Variants in EFCAB5 observed in about 807,000 individuals in gnomAD.
EFCAB5 encodes EF-hand calcium-binding domain-containing protein 5.
Under a neutral mutation model 167.9 loss-of-function variants are expected in EFCAB5, and 131 were observed. The ratio of observed to expected loss-of-function variants is 0.78; its 90% CI spans 0.68 to 0.90. The LOEUF is 0.90. EFCAB5 is among the 40% of genes least tolerant of loss of function. The pLI is 0.00. For synonymous variants in EFCAB5, 574 were observed against 602.8 expected, an observed-to-expected ratio of 0.95 and a Z score of 0.70; for missense variants, 1,663 against 1,745.2, an observed-to-expected ratio of 0.95 and a Z score of 0.84.
rs1016313874 is a variant in EFCAB5, at chr17:29,981,733, A to T, written c.768-11432A>T. Among the ~76,000 whole-genome samples, 6 of 152,210 alleles carry T rather than the reference A, an allele frequency of 3.9e-5. No individual in the cohort carries two copies. The East Asian group carries it at 1.2e-3, about 29-fold the overall frequency. On this transcript the variant is annotated intron_variant, in intron 4 of 22. Transcript: ENST00000394835. Reference sequence around the variant, plus strand: ...TATTTTTGCTTTTTGGTTTTTAGATACATAAGATTATTATGAGATATGTCT... The same window carrying T: ...TATTTTTGCTTTTTGGTTTTTAGATTCATAAGATTATTATGAGATATGTCT...
intron 22 of EFCAB5, among the ~76,000 whole-genome samples, chr17:30,093,694 C>G (rs568226832): frequency 6.3e-4 from 96 of 152,298 alleles, no homozygotes; most frequent in African/African-American, 2.2e-3. Context: ...ATAGTGCCCT[C>G]TGGTGGAAGA....
chr17:30,062,477 C>T (rs1179096782), intron 14 of EFCAB5, among the ~76,000 whole-genome samples: 1 of 152,228 alleles, frequency 6.6e-6, no homozygotes, highest in Middle Eastern at 3.2e-3. Context: ...CTACTGGGGT[C>T]CCCTGCAGTC....
intron 4 of EFCAB5, among the ~76,000 whole-genome samples, chr17:29,979,324 G>C (rs1173496014): frequency 1.3e-5 from 2 of 151,862 alleles, no homozygotes; most frequent in East Asian, 3.9e-4. Context: ...GCCTGAGTGA[G>C]AGAGTGAGAT....
chr17:29,943,700 G>C, intron 3 of EFCAB5, 51 bp downstream of exon 3: 1 of 1,493,022 alleles, frequency 6.7e-7, no homozygotes, highest in Non-Finnish European at 9.1e-7. Context: ...CTGGCTGGGC[G>C]TGGTGGCTCA....
chr17:30,049,458 C>T (rs576604802), intron 8 of EFCAB5, among the ~76,000 whole-genome samples: 3 of 151,112 alleles, frequency 2.0e-5, no homozygotes, highest in South Asian at 2.1e-4. Flanking sequence ...CCAGCCTGGG[C>T]GACAGAGCGA....
intron 6 of EFCAB5, among the ~76,000 whole-genome samples, chr17:29,996,804 A>G (rs868226143): frequency 6.6e-6 from 1 of 152,112 alleles, no homozygotes; most frequent in Non-Finnish European, 1.5e-5. Flanking sequence ...CCTTGACTCT[A>G]CCCAGTCTTA....
intron 14 of EFCAB5, among the ~76,000 whole-genome samples, chr17:30,075,182 T>C (rs2151827520): frequency 6.6e-6 from 1 of 152,290 alleles, no homozygotes; most frequent in African/African-American, 2.4e-5. Flanking sequence ...CCATTAGTTC[T>C]ATATGGAACT....
In EFCAB5 at chr17:30,054,221, A is replaced by G. The variant is rs1161844798; in HGVS notation, c.2194+73A>G. ...GGTTTTTAAAGTCTTTTCAGAAAAC[A>G]CTCATTTAAGTTAGAATTTTTTTTC... On this transcript the variant is annotated intron_variant, in intron 10 of 22. Transcript: ENST00000394835. 4.1e-6 allele frequency: 6 copies of G among 1,453,096 alleles called. No individual in the cohort carries two copies. In the African/African-American group the frequency reaches 5.7e-5, roughly 14 times the overall value. 90.0% of individuals were successfully genotyped at this position (1,453,096 alleles called of 1,614,324 possible). A position where few individuals can be genotyped will look rare whatever the true frequency, so the allele number is the denominator to read the frequency against.
intron 14 of EFCAB5, among the ~76,000 whole-genome samples, chr17:30,075,803 G>T (rs943984356): frequency 6.6e-6 from 1 of 152,170 alleles, no homozygotes; most frequent in Admixed American, 6.5e-5. Context: ...TGCCACATTG[G>T]CTTCACCTGT....
intron 8 of EFCAB5, among the ~76,000 whole-genome samples, chr17:30,050,809 C>T (rs1394773788): frequency 4.6e-5 from 7 of 152,140 alleles, no homozygotes; most frequent in African/African-American, 1.7e-4. Context: ...TTTCAAGTGA[C>T]ATACTCAGGT....
chr17:30,026,438 A>G (rs2069325255), intron 7 of EFCAB5, among the ~76,000 whole-genome samples: 1 of 152,130 alleles, frequency 6.6e-6, no homozygotes, highest in Non-Finnish European at 1.5e-5. Context: ...CCATCATTTA[A>G]TCTGACAGAG....
At chr17:30,037,567 G>GACCAAAA (rs2069660838) in intron 8 of EFCAB5, among the ~76,000 whole-genome samples, 2 of 152,032 alleles carry the variant, frequency 1.3e-5, no homozygotes, top group African/African-American at 4.8e-5. Context: ...CTCAATAGGT[G>GACCAAAA]ACCAAAAATA....
intron 6 of EFCAB5, among the ~76,000 whole-genome samples, chr17:29,999,226 A>T (rs1329912202): frequency 2.4e-4 from 37 of 152,280 alleles, no homozygotes; most frequent in Non-Finnish European, 1.5e-5. Flanking sequence ...CCTATTTGAA[A>T]AAAAGCTACT....
intron 7 of EFCAB5, among the ~76,000 whole-genome samples, chr17:30,033,961 T>C (rs1163556748): frequency 2.0e-5 from 3 of 152,212 alleles, no homozygotes; most frequent in Non-Finnish European, 4.4e-5. Flanking sequence ...AAGTCTGCCC[T>C]ATATAATGTT....
At chr17:30,041,744 C>T (rs1385912558) in intron 8 of EFCAB5, among the ~76,000 whole-genome samples, 1 of 152,184 alleles carries the variant, frequency 6.6e-6, no homozygotes, top group Non-Finnish European at 1.5e-5. Flanking sequence ...TCATTGTTGT[C>T]TTATTTTAAG....
At chr17:29,945,078 C>T (rs1166590655) in intron 3 of EFCAB5, among the ~76,000 whole-genome samples, 1 of 152,098 alleles carries the variant, frequency 6.6e-6, no homozygotes, top group Non-Finnish European at 1.5e-5. Context: ...GTAGAGAAGA[C>T]ATTCATCTCT....
chr17:29,970,673 C>CAT (rs1193187401), intron 4 of EFCAB5, among the ~76,000 whole-genome samples: 62 of 112,652 alleles, frequency 5.5e-4, no homozygotes, highest in Admixed American at 1.0e-3. Context: ...CACACATACA[C>CAT]ACACACACAC....
chr17:30,049,185 G>A (rs2070013361), intron 8 of EFCAB5, among the ~76,000 whole-genome samples: 1 of 152,030 alleles, frequency 6.6e-6, no homozygotes, highest in Admixed American at 6.6e-5. Flanking sequence ...TCAGAGGATG[G>A]GAGATAAGCC....
chr17:30,098,825 T>C (rs2071341346), intron 22 of EFCAB5, among the ~76,000 whole-genome samples: 2 of 152,220 alleles, frequency 1.3e-5, no homozygotes, highest in African/African-American at 4.8e-5. Context: ...CCTCTCCCTC[T>C]AGCTCCTGGG....
Sources: gnomAD v4.1 joint callset for allele counts (sites outside exome capture counted in the v4.1 genomes callset) on GRCh38, gnomAD v4.1.1 for gene constraint, MANE v1.5 for transcripts, NCBI Gene and HGNC (gene_info 2026-07-23, HGNC 2026-07-21) for gene names.